Variants in PCDHGA3 observed in about 807,000 individuals in gnomAD.
The protein encoded by PCDHGA3 is protocadherin gamma-A3.
PCDHGA3 carries 40 observed loss-of-function variants against 58.5 expected under a neutral mutation model. The ratio of observed to expected loss-of-function variants is 0.68; its 90% CI spans 0.53 to 0.89. PCDHGA3 has a LOEUF of 0.89. Among genes scored for constraint, PCDHGA3 ranks in the 40% least tolerant of loss-of-function variants. The probability of loss-of-function intolerance (pLI) is 0.00; values close to 1 mark genes in which losing one functional copy is unlikely to be tolerated. For missense variants in PCDHGA3, 1,223 were observed against 1,195.9 expected (o/e 1.02, Z -0.33); for synonymous variants, 530 against 525.7 (o/e 1.01, Z -0.11).
intron 1 of PCDHGA3, chr5:141,403,849 G>C (rs1422192604): frequency 6.2e-7 from 1 of 1,613,560 alleles, no homozygotes; most frequent in South Asian, 1.1e-5. Context: ...AAAATACTGG[G>C]GAAATATCAA....
In PCDHGA3 at chr5:141,350,622, A is replaced by G; in HGVS notation, c.2424+4165A>G. 41 of 1,614,094 alleles carry G rather than the reference A, an allele frequency of 2.5e-5. No homozygotes were observed. Among genetic ancestry groups the G allele is most frequent in the Non-Finnish European group, 3.5e-5 (41 of 1,179,908 alleles). ...GTTTTCCACGTGGTTGTTGTAATCC[A>G]AGATATTAATGACAATGCACCACGT... On this transcript the variant is annotated intron_variant, in intron 1 of 3. Coordinates refer to ENST00000253812, the MANE Select transcript of PCDHGA3 (RefSeq NM_018916.4).
chr5:141,415,959 C>T, intron 1 of PCDHGA3: 3 of 443,810 alleles, frequency 6.8e-6, no homozygotes, highest in Non-Finnish European at 1.1e-5. Context: ...CATATTGAAA[C>T]TCCAGCCCCT....
rs756464724 is a variant in PCDHGA3, at chr5:141,478,476, A to T, written c.2425-16331A>T. The T allele has an allele frequency of 5.0e-6, 8 of 1,613,838 alleles. 1 individual carries two copies. The South Asian group carries it at 7.7e-5, about 16-fold the overall frequency. The stretch of plus-strand genomic sequence containing the variant: ...GCCAGTCCACTGGCCAGCCGCCAGA[A>T]CACGCTGCGGAGCTGTGATCCGGTG... On this transcript the variant is annotated intron_variant, in intron 1 of 3. Transcript: ENST00000253812.
chr5:141,395,222 A>G, intron 1 of PCDHGA3: 2 of 1,611,606 alleles, frequency 1.2e-6, no homozygotes, highest in Non-Finnish European at 1.7e-6. Flanking sequence ...ATAAGAATGA[A>G]GCTGATCATG....
Position 141,477,856 on chromosome 5 carries a change from G to T in PCDHGA3, c.2425-16951G>T, listed in dbSNP as rs773703641. ...CAGGTGGGAGCTCGGTGGAGATGCTGCCTCGAGGTACCTCAGCTGGCCACC... is the reference window on the plus strand; with the variant it reads ...CAGGTGGGAGCTCGGTGGAGATGCTTCCTCGAGGTACCTCAGCTGGCCACC... On this transcript the variant is annotated intron_variant, in intron 1 of 3. Coordinates refer to ENST00000253812, the MANE Select transcript of PCDHGA3 (RefSeq NM_018916.4). This position sits in a 1 kb window ranked among gnomAD's most constrained non-coding sequence, Gnocchi z 4.9. 1 of 1,613,474 alleles carries T rather than the reference G, an allele frequency of 6.2e-7. No homozygotes were observed. Among genetic ancestry groups the T allele is most frequent in the Non-Finnish European group, 8.5e-7 (1 of 1,179,854 alleles).
intron 1 of PCDHGA3, among the ~76,000 whole-genome samples, chr5:141,346,850 C>A (rs1757816176): frequency 6.6e-6 from 1 of 152,170 alleles, no homozygotes; most frequent in Non-Finnish European, 1.5e-5. Flanking sequence ...CATTTTAAAT[C>A]CCTGTGCTTT....
Position 141,431,655 on chromosome 5 carries a change from G to A in PCDHGA3, c.2425-63152G>A, listed in dbSNP as rs199998405. On this transcript the variant is annotated intron_variant, in intron 1 of 3. Transcript: ENST00000253812. This position sits in a 1 kb window ranked among gnomAD's most constrained non-coding sequence, Gnocchi z 4.8. Reference sequence around the variant, plus strand: ...GTTTTCAAACTAGATTGTAATTCAGGGACAATATCAACAATAGGGGAGTTG... The same window carrying A: ...GTTTTCAAACTAGATTGTAATTCAGAGACAATATCAACAATAGGGGAGTTG... 52 of 1,614,208 alleles carry A rather than the reference G, an allele frequency of 3.2e-5. No individual in the cohort carries two copies. The highest frequency in any genetic ancestry group is 3.3e-4 in the Middle Eastern group (2 of 6,062).
chr5:141,476,229 C>A lies in PCDHGA3; in HGVS notation c.2425-18578C>A, dbSNP rs761790915. The A allele has an allele frequency of 1.9e-6, 3 of 1,613,872 alleles. No homozygotes were observed. The South Asian group carries it at 3.3e-5, about 18-fold the overall frequency. ...TCCACGGTCATTCACTATGAGATCC[C>A]GGAGGAAAGAGAGAAGGGTTTCGCT... On this transcript the variant is annotated intron_variant, in intron 1 of 3. Transcript: ENST00000253812. This position sits in a 1 kb window ranked among gnomAD's most constrained non-coding sequence, Gnocchi z 7.6.
chr5:141,481,260 A>C (rs2099534771), intron 1 of PCDHGA3, among the ~76,000 whole-genome samples: 1 of 152,166 alleles, frequency 6.6e-6, no homozygotes, highest in Non-Finnish European at 1.5e-5. Context: ...CTAAAAGATC[A>C]CTGTAGGAAG....
chr5:141,456,157 A>G (rs1307977690), intron 1 of PCDHGA3, among the ~76,000 whole-genome samples: 3 of 152,052 alleles, frequency 2.0e-5, no homozygotes, highest in Admixed American at 1.3e-4. Context: ...TCGGCCTCCT[A>G]AAGTGCTGGG....
At chr5:141,475,996 G>T (rs2099383729) in intron 1 of PCDHGA3, 4 of 1,181,402 alleles carry the variant, frequency 3.4e-6, no homozygotes, top group Non-Finnish European at 3.5e-6. Flanking sequence ...GCAAATCAAC[G>T]GCATCCAGAA....
intron 1 of PCDHGA3, chr5:141,365,528 A>G: frequency 1.2e-6 from 2 of 1,613,854 alleles, no homozygotes; most frequent in Non-Finnish European, 1.7e-6. Flanking sequence ...GTCAGTTGAT[A>G]ATTACTATCA....
At chr5:141,370,488 C>A (rs758506114) in intron 1 of PCDHGA3, 2 of 1,613,906 alleles carry the variant, frequency 1.2e-6, no homozygotes, top group Admixed American at 3.3e-5. Flanking sequence ...TCTCTCCGAA[C>A]CGATCCGCTA....
chr5:141,394,860 G>A, intron 1 of PCDHGA3: 1 of 1,613,792 alleles, frequency 6.2e-7, no homozygotes, highest in African/African-American at 1.3e-5. Flanking sequence ...GCCTTCGGTC[G>A]ACCCGAACGA....
At chr5:141,430,633 C>T in intron 1 of PCDHGA3, 1 of 868,018 alleles carries the variant, frequency 1.2e-6, no homozygotes, top group Non-Finnish European at 1.7e-6. Context: ...ATGAACCATC[C>T]CTGGGAGTAT....
At chr5:141,506,898 T>C (rs2099857040) in intron 3 of PCDHGA3, among the ~76,000 whole-genome samples, 1 of 152,260 alleles carries the variant, frequency 6.6e-6, no homozygotes, top group East Asian at 1.9e-4. Context: ...AGAAGCACTG[T>C]CATCACACCT....
chr5:141,415,121 C>T (rs2095831464), intron 1 of PCDHGA3: 1 of 1,613,522 alleles, frequency 6.2e-7, no homozygotes, highest in South Asian at 1.1e-5. Context: ...CTCGTAGTGG[C>T]CGTCCAGGAC....
intron 2 of PCDHGA3, among the ~76,000 whole-genome samples, chr5:141,500,194 T>G (rs994324188): frequency 2.1e-4 from 31 of 147,918 alleles, no homozygotes; most frequent in African/African-American, 7.7e-4. Context: ...TTTTATTTAT[T>G]TATTTATTTA....
intron 1 of PCDHGA3, chr5:141,373,906 A>G: frequency 1.7e-6 from 1 of 604,222 alleles, no homozygotes; most frequent in Admixed American, 3.7e-5. Context: ...ACATCCTCCA[A>G]CAACAAAGCA....
Sources: gnomAD v4.1 joint callset for allele counts (sites outside exome capture counted in the v4.1 genomes callset) on GRCh38, gnomAD v4.1.1 for gene constraint, Gnocchi (gnomAD v3.1) non-coding constraint, MANE v1.5 for transcripts, NCBI Gene and HGNC (gene_info 2026-07-23, HGNC 2026-07-21) for gene names.